Variants in NLK observed in about 807,000 individuals in gnomAD.
NLK encodes nemo like kinase.
NLK carries 11 observed loss-of-function variants against 59.0 expected under a neutral mutation model. The ratio of observed to expected loss-of-function variants is 0.19; its 90% CI spans 0.12 to 0.31. The LOEUF (loss-of-function observed/expected upper bound fraction) is 0.31. NLK is among the 10% of genes least tolerant of loss of function. The probability of loss-of-function intolerance (pLI) is 1.00; values close to 1 mark genes in which losing one functional copy is unlikely to be tolerated. For synonymous variants in NLK, 235 were observed against 235.9 expected, an observed-to-expected ratio of 1.00 and a Z score of 0.03; for missense variants, 410 against 661.1, an observed-to-expected ratio of 0.62 and a Z score of 4.16.
At chr17:28,145,624 T>G (rs2142033369) in intron 3 of NLK, among the ~76,000 whole-genome samples, 1 of 152,328 alleles carries the variant, frequency 6.6e-6, no homozygotes, top group Non-Finnish European at 1.5e-5. Context: ...TAATAAAAAG[T>G]GAATAAAGTT....
At position 28,122,699 on chromosome 17, in the gene NLK, A is replaced by G. The variant is rs1384523761; in HGVS notation, c.555A>G (p.Glu185=). ...TCTCTTGCAAAAGGGTCTTCCGGGA[A>G]TTGAAGATGTTGTGTTTTTTTAAGC... ...NLVSCKRVFR[E]LKMLCFFKHD... The change falls in exon 2 of 11, where the codon GAA becomes GAG. Residue 185 remains glutamate (E), a synonymous_variant. Coordinates refer to ENST00000407008, the MANE Select transcript of NLK (RefSeq NM_016231.5). The G allele has an allele frequency of 1.2e-6, 2 of 1,613,842 alleles. No individual in the cohort carries two copies. Among genetic ancestry groups the G allele is most frequent in the Non-Finnish European group, 1.7e-6 (2 of 1,179,788 alleles).
At position 28,132,716 on chromosome 17, in the gene NLK, A is replaced by T. The variant is rs1475959811; in HGVS notation, c.644+41A>T. On this transcript the variant is annotated intron_variant, in intron 3 of 10. Transcript: ENST00000407008. ...AATGTGAAAGAAGGGGACAATTTTTAAAATTAATTTGTTCTTCTAGCACCT... is the reference window on the plus strand; with the variant it reads ...AATGTGAAAGAAGGGGACAATTTTTTAAATTAATTTGTTCTTCTAGCACCT... 7.2e-6 allele frequency: 11 copies of T among 1,520,406 alleles called. No individual in the cohort carries two copies. The Admixed American group carries it at 1.6e-4, about 23-fold the overall frequency. The allele number at this position is 1,520,406 out of a possible 1,614,324, so 94.2% of individuals were successfully genotyped here.
chr17:28,193,962 C>T (rs889641971), intron 10 of NLK, among the ~76,000 whole-genome samples: 18 of 152,174 alleles, frequency 1.2e-4, no homozygotes, highest in East Asian at 7.7e-4. Flanking sequence ...ACACTTTTCC[C>T]TCTCAAGTTT....
intron 1 of NLK, among the ~76,000 whole-genome samples, chr17:28,083,794 G>C (rs1309463532): frequency 6.6e-6 from 1 of 152,076 alleles, no homozygotes; most frequent in Admixed American, 6.6e-5. Flanking sequence ...TCAGAGGTGG[G>C]ATTTTCGTAG....
intron 1 of NLK, among the ~76,000 whole-genome samples, chr17:28,092,793 TTTTATTTTATTTTA>T (rs1904549948): frequency 1.3e-5 from 2 of 149,870 alleles, no homozygotes; most frequent in African/African-American, 4.9e-5. Context: ...TTTTATTTTA[TTTTATTTTATTTTA>T]TTTATTTATT....
At chr17:28,111,004 C>T (rs1308401117) in intron 1 of NLK, among the ~76,000 whole-genome samples, 3 of 151,494 alleles carry the variant, frequency 2.0e-5, no homozygotes, top group South Asian at 2.1e-4. Flanking sequence ...GCCACTACGC[C>T]CGGCTAATTT....
At chr17:28,179,515 G>A (rs911931280) in intron 7 of NLK, among the ~76,000 whole-genome samples, 2 of 151,110 alleles carry the variant, frequency 1.3e-5, no homozygotes, top group Admixed American at 1.3e-4. Flanking sequence ...CAAATCACTT[G>A]AGGTCAGGAA....
In NLK at chr17:28,043,300, C is replaced by A; in HGVS notation, c.427C>A (p.Pro143Thr). 1 of 1,584,732 alleles carries A rather than the reference C, an allele frequency of 6.3e-7. No homozygotes were observed. The highest frequency in any genetic ancestry group is 8.6e-7 in the Non-Finnish European group (1 of 1,166,832). The change falls in exon 1 of 11, where the codon CCT becomes ACT. Residue 143 changes from proline (P) to threonine (T), a missense_variant. By Grantham distance (38) the Pro-to-Thr change is conservative. Transcript: ENST00000407008. Reference sequence around the variant, plus strand: ...GCAGCTGGATATTGAGCCGGATAGACCTATTGGATATGGAGCCTTTGGTGT... The same window carrying A: ...GCAGCTGGATATTGAGCCGGATAGAACTATTGGATATGGAGCCTTTGGTGT... Reference protein sequence around the residue: ...QQQLDIEPDRPIGYGAFGVVW... With the variant: ...QQQLDIEPDRTIGYGAFGVVW...
At chr17:28,134,836 T>A (rs35243799) in intron 3 of NLK, among the ~76,000 whole-genome samples, 16,459 of 152,220 alleles carry the variant, frequency 0.11, 1,167 homozygotes, top group Non-Finnish European at 0.16. Flanking sequence ...ACTCTTATTT[T>A]AAAAGTACAA....
intron 7 of NLK, among the ~76,000 whole-genome samples, chr17:28,182,410 C>A (rs528083170): frequency 1.6e-4 from 25 of 152,284 alleles, no homozygotes; most frequent in African/African-American, 6.0e-4. Context: ...TTTTAGTGTT[C>A]TGCTTCTCCT....
At chr17:28,168,971 C>T (rs1426097632) in intron 6 of NLK, among the ~76,000 whole-genome samples, 2 of 152,098 alleles carry the variant, frequency 1.3e-5, no homozygotes, top group African/African-American at 4.8e-5. Context: ...CTGCAACCTC[C>T]ACCTGCCAGG....
At chr17:28,178,540 G>A (rs1284527642) in intron 7 of NLK, among the ~76,000 whole-genome samples, 4 of 152,204 alleles carry the variant, frequency 2.6e-5, no homozygotes, top group African/African-American at 9.6e-5. Context: ...GGATTGAAAA[G>A]TCTATTGTCA....
chr17:28,106,249 C>A (rs1317787194), intron 1 of NLK, among the ~76,000 whole-genome samples: 2 of 152,072 alleles, frequency 1.3e-5, no homozygotes, highest in South Asian at 2.1e-4. Flanking sequence ...TAAATAAATT[C>A]TTTTATACAG....
chr17:28,198,221 C>T (rs951608599), downstream of NLK, among the ~76,000 whole-genome samples: 1 of 152,188 alleles, frequency 6.6e-6, no homozygotes, highest in Non-Finnish European at 1.5e-5. Flanking sequence ...ACTGCAGGCT[C>T]AACCTCCGAG....
At position 28,196,331 on chromosome 17, in the gene NLK, A is replaced by G. The variant is rs1183814400; in HGVS notation, c.*1695A>G. The stretch of plus-strand genomic sequence containing the variant: ...GCACACTTTCTGGTCACTTTGTACA[A>G]TGTAGATTTGAAGTACAGTGGTGAA... On this transcript the variant is annotated 3_prime_UTR_variant, in exon 11 of 11. Coordinates refer to ENST00000407008, the MANE Select transcript of NLK (RefSeq NM_016231.5). 6.6e-6 allele frequency: 1 copy of G among 152,646 alleles called. No homozygotes were observed. The highest frequency in any genetic ancestry group is 1.5e-5 in the Non-Finnish European group (1 of 68,050). The allele number at this position is 152,646 out of a possible 1,614,324, so 9.5% of individuals were successfully genotyped here.
chr17:28,057,174 C>T (rs902433959), intron 1 of NLK, among the ~76,000 whole-genome samples: 20 of 152,004 alleles, frequency 1.3e-4, no homozygotes, highest in Admixed American at 6.5e-5. Context: ...AGCCTGGTCT[C>T]GAACTCCTGA....
intron 1 of NLK, among the ~76,000 whole-genome samples, chr17:28,077,025 T>C (rs1172666048): frequency 1.3e-5 from 2 of 151,154 alleles, no homozygotes; most frequent in African/African-American, 4.8e-5. Flanking sequence ...TTAGTACCCG[T>C]GTCCCTTTTA....
chr17:28,108,095 G>A (rs942926040), intron 1 of NLK, among the ~76,000 whole-genome samples: 1 of 152,100 alleles, frequency 6.6e-6, no homozygotes, highest in African/African-American at 2.4e-5. Flanking sequence ...TTAGCCAGGT[G>A]TGGTGGTGCG....
At chr17:28,157,771 TAAC>T (rs1272347507) in intron 3 of NLK, among the ~76,000 whole-genome samples, 1 of 152,226 alleles carries the variant, frequency 6.6e-6, no homozygotes. Context: ...TGTCTTCTGT[TAAC>T]GTCAATTTCT....
Sources: gnomAD v4.1 joint callset for allele counts (sites outside exome capture counted in the v4.1 genomes callset) on GRCh38, gnomAD v4.1.1 for gene constraint, MANE v1.5 for transcripts, NCBI Gene and HGNC (gene_info 2026-07-23, HGNC 2026-07-21) for gene names.